ZNF722: variants seen among roughly 807,000 people sequenced by gnomAD.
ZNF722 encodes zinc finger protein 722, also known as zinc finger protein 479 pseudogene.
At chr7:64,004,958 T>G in the ZNF722 span, among the ~76,000 whole-genome samples, 1 of 152,120 alleles carries the variant, frequency 6.6e-6, no homozygotes, top group Non-Finnish European at 1.5e-5. Context: ...ACTTGAGAGG[T>G]ACCTTCCAAG....
At chr7:64,005,511 T>G in the ZNF722 span, 4 of 626,002 alleles carry the variant, frequency 6.4e-6, no homozygotes, top group East Asian at 1.1e-4. Context: ...CCACTTCATT[T>G]TACTCTCTTT....
the ZNF722 span, chr7:64,016,125 CA>C: frequency 2.1e-6 from 1 of 473,208 alleles, no homozygotes; most frequent in East Asian, 3.4e-5. Context: ...TTAATGAACC[CA>C]AGAGAATTTA....
the ZNF722 span, among the ~76,000 whole-genome samples, chr7:64,003,279 CATT>C: frequency 8.7e-3 from 1,309 of 150,332 alleles, 26 homozygotes; most frequent in African/African-American, 0.029. Flanking sequence ...TGGAGAAGCT[CATT>C]GTTCTCTCAT....
the ZNF722 span, among the ~76,000 whole-genome samples, chr7:64,007,739 A>G: frequency 1.3e-5 from 2 of 152,130 alleles, no homozygotes; most frequent in Non-Finnish European, 2.9e-5. Context: ...ATGATTTATA[A>G]TCCTTTGGGT....
the ZNF722 span, among the ~76,000 whole-genome samples, chr7:64,007,123 T>G: frequency 6.6e-6 from 1 of 151,416 alleles, no homozygotes; most frequent in African/African-American, 2.4e-5. Flanking sequence ...TTCTAACTGA[T>G]GTAAGGTAAT....
chr7:64,015,984 T>A, the ZNF722 span: 1 of 1,034,088 alleles, frequency 9.7e-7, no homozygotes, highest in Non-Finnish European at 1.4e-6. Flanking sequence ...AAAAAAACAC[T>A]ACAAGTGTAG....
chr7:64,000,728 GGAATAA>G, the ZNF722 span, among the ~76,000 whole-genome samples: 5 of 151,770 alleles, frequency 3.3e-5, no homozygotes, highest in Non-Finnish European at 7.4e-5. Context: ...TGGGATTACA[GGAATAA>G]GTTATCACAC....
chr7:64,007,230 GTA>G, the ZNF722 span, among the ~76,000 whole-genome samples: 3,866 of 138,380 alleles, frequency 0.028, 168 homozygotes, highest in South Asian at 0.12. Flanking sequence ...GTTTGTGTGT[GTA>G]TATATATATA....
At chr7:64,009,893 G>A in the ZNF722 span, among the ~76,000 whole-genome samples, 5 of 152,070 alleles carry the variant, frequency 3.3e-5, no homozygotes, top group African/African-American at 1.2e-4. Context: ...TGGTTGGTAG[G>A]CTATTAATTA....
At chr7:64,012,295 C>T in the ZNF722 span, among the ~76,000 whole-genome samples, 2 of 152,184 alleles carry the variant, frequency 1.3e-5, no homozygotes, top group African/African-American at 4.8e-5. Context: ...AAGTCATTCT[C>T]CATCCAGCTT....
At chr7:64,013,055 A>G in the ZNF722 span, among the ~76,000 whole-genome samples, 1,024 of 152,224 alleles carry the variant, frequency 6.7e-3, 16 homozygotes, top group African/African-American at 0.023. Context: ...TACTTCTTTT[A>G]CAGTCTACTG....
At chr7:64,016,226 C>T in the ZNF722 span, 1 of 219,010 alleles carries the variant, frequency 4.6e-6, no homozygotes, top group Non-Finnish European at 9.0e-6. Context: ...GTAACCTCTG[C>T]CTTCCAGGTT....
chr7:64,000,329 A>G, the ZNF722 span, among the ~76,000 whole-genome samples: 4 of 142,264 alleles, frequency 2.8e-5, no homozygotes, highest in Non-Finnish European at 6.0e-5. Flanking sequence ...GAGTTTCTCC[A>G]TGTTGGTCAG....
At chr7:64,000,130 T>TGTGTG in the ZNF722 span, among the ~76,000 whole-genome samples, 711 of 140,554 alleles carry the variant, frequency 5.1e-3, 9 homozygotes, top group African/African-American at 0.01. Context: ...TTTTTTTTTT[T>TGTGTG]TTTGTGTGTG....
chr7:64,008,459 T>C, the ZNF722 span, among the ~76,000 whole-genome samples: 1 of 152,226 alleles, frequency 6.6e-6, no homozygotes, highest in African/African-American at 2.4e-5. Flanking sequence ...GCTTTCTACA[T>C]ATGGCTAGCC....
At chr7:64,016,437 G>T in the ZNF722 span, among the ~76,000 whole-genome samples, 2 of 151,022 alleles carry the variant, frequency 1.3e-5, no homozygotes, top group African/African-American at 2.4e-5. Context: ...CCCTAGAAAG[G>T]TTAAAAAAAA....
chr7:64,014,573 A>C, the ZNF722 span, among the ~76,000 whole-genome samples: 1 of 152,088 alleles, frequency 6.6e-6, no homozygotes, highest in African/African-American at 2.4e-5. Flanking sequence ...TTTTGTATTT[A>C]TTTTTCAGTT....
At chr7:64,001,971 C>T in the ZNF722 span, among the ~76,000 whole-genome samples, 2 of 152,046 alleles carry the variant, frequency 1.3e-5, no homozygotes, top group African/African-American at 4.8e-5. Context: ...GCAACCTCTG[C>T]CCTCCAGTTT....
chr7:64,003,901 C>T, the ZNF722 span, among the ~76,000 whole-genome samples: 1 of 151,542 alleles, frequency 6.6e-6, no homozygotes, highest in Non-Finnish European at 1.5e-5. Flanking sequence ...CATCTGTGTG[C>T]TCTATTAGTT....
Sources: allele counts gnomAD v4.1 joint callset (sites outside exome capture counted in the v4.1 genomes callset), GRCh38; gene constraint gnomAD v4.1.1; transcripts MANE v1.5; gene names NCBI Gene and HGNC (gene_info 2026-07-23, HGNC 2026-07-21).